The following IRF1 variants were observed in gnomAD, a reference collection of about 807,000 sequenced individuals.
IRF1 encodes the protein interferon regulatory factor-1.
A neutral mutation model predicts 43.7 loss-of-function variants in IRF1; 13 were observed. That is an observed-to-expected ratio of 0.30 (90% confidence interval 0.19 to 0.47). The LOEUF (loss-of-function observed/expected upper bound fraction) is 0.47. IRF1 is among the 20% of genes least tolerant of loss of function. The probability of loss-of-function intolerance (pLI) is 0.99; values close to 1 mark genes in which losing one functional copy is unlikely to be tolerated. For synonymous variants in IRF1, 138 were observed against 146.8 expected (o/e 0.94, Z 0.43); for missense variants, 236 against 408.9 (o/e 0.58, Z 3.65).
rs566532955 is a variant in IRF1 at position 132,487,519 on chromosome 5, G to A, written c.188-389C>T. The A allele has an allele frequency of 2.5e-4, 86 of 346,002 alleles. No homozygotes were observed. In the East Asian group the frequency reaches 4.5e-3, roughly 18 times the overall value. 21.4% of individuals were successfully genotyped at this position (346,002 alleles called of 1,614,324 possible). ...TAAATGGGTGGGCTGACTGTTCTGA[G>A]ATGGGCCTAGAGCTCCATCTCTCAA... On this transcript the variant is annotated intron_variant, in intron 3 of 9. Transcript: ENST00000245414.
At chr5:132,488,057 G>A in intron 2 of IRF1, 32 bp from the exon 3 acceptor site, 1 of 1,533,152 alleles carries the variant, frequency 6.5e-7, no homozygotes, top group Non-Finnish European at 9.0e-7. Context: ...ATAAGGCTGT[G>A]TCAGGTCAGA....
At position 132,487,019 on chromosome 5, in the gene IRF1, T is replaced by A; in HGVS notation, c.299A>T (p.Asn100Ile). 6.2e-7 allele frequency: 1 copy of A among 1,614,206 alleles called. No individual in the cohort carries two copies. The change falls in exon 4 of 10, where the codon AAC becomes ATC. Residue 100 changes from asparagine to isoleucine, a missense_variant. Asn to Ile is a moderately radical substitution (Grantham distance 149). This residue lies in a region of IRF1 where 66 missense variants were observed against 157.1 expected (regional missense o/e 0.42). Transcript: ENST00000245414. Reference sequence around the variant, plus strand: ...CACTCGCACAGCTGAGCTGCCCTTGTTCCTGCTCTGGTCTTTCACCTCCTC... The same window carrying A: ...CACTCGCACAGCTGAGCTGCCCTTGATCCTGCTCTGGTCTTTCACCTCCTC... ...DIEEVKDQSR[N>I]KGSSAVRVYR...
intron 2 of IRF1, chr5:132,488,304 G>T: frequency 2.9e-6 from 1 of 340,804 alleles, no homozygotes; most frequent in Non-Finnish European, 5.5e-6. Flanking sequence ...ACCCACACAG[G>T]GCACCCTCCC....
rs1754450293 is a variant in IRF1 at position 132,483,894 on chromosome 5, C to T, written c.*57G>A. The T allele has an allele frequency of 1.0e-5, 16 of 1,600,578 alleles. No individual in the cohort carries two copies. The highest frequency in any genetic ancestry group is 2.2e-4 in the Middle Eastern group (1 of 4,450). ...GAAGTCCAGCTTCTCTGCACCATAT[C>T]CACCATGATGCCAGGTCCTGCTTGC... On this transcript the variant is annotated 3_prime_UTR_variant, in exon 10 of 10. Coordinates refer to ENST00000245414, the MANE Select transcript of IRF1 (RefSeq NM_002198.3).
At chr5:132,484,308 C>T in intron 9 of IRF1, 54 bp downstream of exon 9, 1 of 1,601,854 alleles carries the variant, frequency 6.2e-7, no homozygotes, top group Non-Finnish European at 8.5e-7. Flanking sequence ...CTTTCTCCAT[C>T]CCTACGTGGT....
rs758288670 is a variant in IRF1 at position 132,483,939 on chromosome 5, C to T, written c.*12G>A. On this transcript the variant is annotated 3_prime_UTR_variant, in exon 10 of 10. Coordinates refer to ENST00000245414, the MANE Select transcript of IRF1 (RefSeq NM_002198.3). Reference sequence around the variant, plus strand: ...GCTTGCCTAGAGGAATAAGAGGGGCCCAGGGGCCCTGCTACGGTGCACAGG... The same window carrying T: ...GCTTGCCTAGAGGAATAAGAGGGGCTCAGGGGCCCTGCTACGGTGCACAGG... 4 of 1,612,368 alleles carry T rather than the reference C, an allele frequency of 2.5e-6. No individual in the cohort carries two copies. The Admixed American group carries it at 5.0e-5, about 20-fold the overall frequency.
chr5:132,486,889 C>T lies in IRF1; in HGVS notation c.365-45G>A, dbSNP rs369483613. 1.9e-6 allele frequency: 3 copies of T among 1,614,008 alleles called. No homozygotes were observed. The Admixed American group carries it at 5.0e-5, about 27-fold the overall frequency. On this transcript the variant is annotated intron_variant, in intron 4 of 9. Transcript: ENST00000245414. ...TCAGCCTTGGTGCAGGCTCTCCAGC[C>T]CCAGCTGACCTCCTTCTACCCTCCC...
chr5:132,489,280 C>T (rs1160340296), intron 2 of IRF1, 112 bp downstream of exon 2: 1 of 836,264 alleles, frequency 1.2e-6, no homozygotes, highest in Non-Finnish European at 2.0e-6. Flanking sequence ...CTGGGAGAAA[C>T]ACCTGCTTGT....
intron 7 of IRF1, 133 bp from the exon 8 acceptor site, chr5:132,485,849 A>ACACACACACACACACACACACCC (rs111906639): frequency 1.0e-5 from 7 of 669,156 alleles, no homozygotes; most frequent in African/African-American, 7.4e-5. Flanking sequence ...ACACACACAC[A>ACACACACACACACACACACACCC]CCCTCCCGGT....
At chr5:132,489,060 T>A (rs1482872709) in intron 2 of IRF1, 1 of 231,600 alleles carries the variant, frequency 4.3e-6, no homozygotes, top group Non-Finnish European at 9.2e-6. Flanking sequence ...TTCTATTTGT[T>A]CGATTGGAGC....
intron 6 of IRF1, 39 bp downstream of exon 6, chr5:132,486,518 T>C: frequency 6.2e-7 from 1 of 1,613,468 alleles, no homozygotes; most frequent in Non-Finnish European, 8.5e-7. Flanking sequence ...GTCATCCCAC[T>C]GACCTGTGGG....
At position 132,487,915 on chromosome 5, in the gene IRF1, C is replaced by A; in HGVS notation, c.187+11G>T. On this transcript the variant is annotated intron_variant, in intron 3 of 9. Transcript: ENST00000245414. ...CCCTGGGCTTCCTAGGCCTGAGTCC[C>A]AGGCACACACCTGTGTGAATGGCCC... The A allele has an allele frequency of 6.2e-7, 1 of 1,607,530 alleles. No individual in the cohort carries two copies. The highest frequency in any genetic ancestry group is 8.5e-7 in the Non-Finnish European group (1 of 1,174,440).
In IRF1 at chr5:132,487,090, C is replaced by T. The variant is rs747457367; in HGVS notation, c.228G>A (p.Thr76=). 5.6e-6 allele frequency: 9 copies of T among 1,614,196 alleles called. No homozygotes were observed. The highest frequency in any genetic ancestry group is 1.7e-5 in the Admixed American group (1 of 60,032). ...TGGCACAGCGAAAGTTGGCCTTCCA[C>T]GTCTTGGGATCTGGCTCCTTTTCCC... is the stretch of plus-strand genomic sequence containing the variant. ...KAGEKEPDPK[T]WKANFRCAMN... is the part of the protein sequence containing the mutation. Residue 76 remains threonine (T), a synonymous_variant, in exon 4 of 10, where the codon ACG becomes ACA. Transcript: ENST00000245414.
rs765686811 is a variant in IRF1, at chr5:132,487,057, G to A, written c.261C>T (p.Ser87=). Residue 87 remains serine, a synonymous_variant, in exon 4 of 10, where the codon TCC becomes TCT. Transcript: ENST00000245414. ...CTTTCACCTCCTCGATATCTGGCAG[G>A]GAGTTCATGGCACAGCGAAAGTTGG... ...WKANFRCAMN[S]LPDIEEVKDQ... 6.2e-7 allele frequency: 1 copy of A among 1,614,166 alleles called. No homozygotes were observed. Among genetic ancestry groups the A allele is most frequent in the East Asian group, 2.2e-5 (1 of 44,880 alleles).
At chr5:132,488,071 C>G (rs760094979) in intron 2 of IRF1, 46 bp from the exon 3 acceptor site, 1 of 1,462,938 alleles carries the variant, frequency 6.8e-7, no homozygotes, top group South Asian at 1.1e-5. Context: ...GGTCAGAGAC[C>G]ACAGACTTTG....
chr5:132,485,849 A>ACACACACACACACACACACACACACACAC lies in IRF1; in HGVS notation c.668-134_668-133insGTGTGTGTGTGTGTGTGTGTGTGTGTGTG, dbSNP rs111906639. On this transcript the variant is annotated intron_variant, in intron 7 of 9. Coordinates refer to ENST00000245414, the MANE Select transcript of IRF1 (RefSeq NM_002198.3). ...CTCTGACACACACACACACACACACACCCTCCCGGTGGACCTATCTGCCAT... is the reference window on the plus strand; with the variant it reads ...CTCTGACACACACACACACACACACACACACACACACACACACACACACACACACCCCTCCCGGTGGACCTATCTGCCAT... The ACACACACACACACACACACACACACACAC allele has an allele frequency of 6.3e-5, 42 of 669,940 alleles. No individual in the cohort carries two copies. The African/African-American group carries it at 6.4e-4, about 10-fold the overall frequency. The allele number at this position is 669,940 out of a possible 1,614,324, so 41.5% of individuals were successfully genotyped here. A position where few individuals can be genotyped will look rare whatever the true frequency, so the allele number is the denominator to read the frequency against.
At position 132,489,289 on chromosome 5, in the gene IRF1, G is replaced by C. The variant is rs778148448; in HGVS notation, c.87+103C>G. The C allele has an allele frequency of 9.0e-6, 8 of 893,622 alleles. No individual in the cohort carries two copies. The South Asian group carries it at 9.5e-5, about 11-fold the overall frequency. The allele number at this position is 893,622 out of a possible 1,614,324, so 55.4% of individuals were successfully genotyped here. On this transcript the variant is annotated intron_variant, in intron 2 of 9. Transcript: ENST00000245414. ...GACCCACTGGGAGAAACACCTGCTTGTCCCGTTATCACTTCCCTTTTTGAG... is the reference window on the plus strand; with the variant it reads ...GACCCACTGGGAGAAACACCTGCTTCTCCCGTTATCACTTCCCTTTTTGAG...
chr5:132,486,961 C>G lies in IRF1; in HGVS notation c.357G>C (p.Gln119His), dbSNP rs906964619. 16 of 1,614,058 alleles carry G rather than the reference C, an allele frequency of 9.9e-6. No homozygotes were observed. The highest frequency in any genetic ancestry group is 1.3e-5 in the African/African-American group (1 of 74,938). ...CCCAGAGTCCTTGGATACCTTTTCT[C>G]TGGTTCTTGGTGAGAGGTGGAAGCA... ...YRMLPPLTKN[Q>H]RKERKSKSSR... Residue 119 changes from glutamine (Q) to histidine (H), a missense_variant, in exon 4 of 10, where the codon CAG becomes CAC. Gln to His is a conservative substitution (Grantham distance 24, BLOSUM62 0). Around this residue, in one of 2 missense-constraint regions of IRF1, gnomAD observed 66 missense variants for 157.1 expected, o/e 0.42. Transcript: ENST00000245414.
rs1174454230 is a variant in IRF1 at position 132,486,390 on chromosome 5, G to A, written c.545-17C>T. ...GCGACAGTGCTGGGGAACAGCAGAA[G>A]CCACAGGTCAAGGTTGTGTGCTTTC... On this transcript the variant is annotated splice_polypyrimidine_tract_variant and intron_variant, in intron 6 of 9. Transcript: ENST00000245414. The A allele has an allele frequency of 4.3e-6, 7 of 1,610,674 alleles. No individual in the cohort carries two copies. The highest frequency in any genetic ancestry group is 1.7e-5 in the Admixed American group (1 of 60,030).
Sources: allele counts gnomAD v4.1 joint callset, GRCh38; gene constraint gnomAD v4.1.1; regional missense constraint gnomAD v4.1.1; transcripts MANE v1.5; gene names NCBI Gene and HGNC (gene_info 2026-07-23, HGNC 2026-07-21).